The following CPEB3 variants were observed in gnomAD, a reference collection of about 807,000 sequenced individuals.
The protein encoded by CPEB3 is cytoplasmic polyadenylation element binding protein 3, also known as cytoplasmic polyadenylation element-binding protein 3.
Under a neutral mutation model 67.2 loss-of-function variants are expected in CPEB3, and 20 were observed. The ratio of observed to expected loss-of-function variants is 0.30; its 90% confidence interval spans 0.21 to 0.43. CPEB3 has a LOEUF of 0.43. CPEB3 is among the 20% of genes least tolerant of loss of function. The pLI is 1.00. For synonymous variants in CPEB3, 376 were observed against 393.1 expected (o/e 0.96, Z 0.51); for missense variants, 746 against 968.6 (o/e 0.77, Z 3.05).
At chr10:92,166,712 G>GC (rs1028974169) in intron 4 of CPEB3, among the ~76,000 whole-genome samples, 2 of 152,104 alleles carry the variant, frequency 1.3e-5, no homozygotes, top group Non-Finnish European at 2.9e-5. Context: ...AATTCTTAAG[G>GC]CCCTTAGGAT....
chr10:92,117,766 C>A (rs1163182547), intron 6 of CPEB3, among the ~76,000 whole-genome samples: 4 of 151,774 alleles, frequency 2.6e-5, no homozygotes, highest in Non-Finnish European at 5.9e-5. Flanking sequence ...ATATTTGATA[C>A]CTAGTACAAA....
At chr10:92,082,126 T>C (rs973928421) in intron 8 of CPEB3, among the ~76,000 whole-genome samples, 5 of 152,210 alleles carry the variant, frequency 3.3e-5, no homozygotes, top group Admixed American at 2.6e-4. Context: ...ATAGCCACAA[T>C]AAACATTTAC....
At chr10:92,262,949 T>G (rs939664859) in intron 1 of CPEB3, among the ~76,000 whole-genome samples, 4 of 152,130 alleles carry the variant, frequency 2.6e-5, no homozygotes, top group Non-Finnish European at 5.9e-5. Context: ...TCTTTTTTGT[T>G]TGTAGAGACG....
Position 92,251,856 on chromosome 10 carries a change from G to C in CPEB3, c.-11-11495C>G, listed in dbSNP as rs1852314321. 2.0e-5 allele frequency among the ~76,000 whole-genome samples: 3 copies of C among 151,504 alleles called. No individual in the cohort carries two copies. In the South Asian group the frequency reaches 6.3e-4, roughly 32 times the overall value. On this transcript the variant is annotated intron_variant, in intron 1 of 9. Coordinates refer to ENST00000265997, the MANE Select transcript of CPEB3 (RefSeq NM_014912.5). ...CTCGGGAGACTGAGGCATGAGAATA[G>C]TTTGAACCCAGGAGGGAGAGGTTGC... is the stretch of plus-strand genomic sequence containing the variant.
intron 4 of CPEB3, among the ~76,000 whole-genome samples, chr10:92,158,031 TA>T (rs946258296): frequency 8.0e-4 from 118 of 147,080 alleles, no homozygotes; most frequent in Non-Finnish European, 1.0e-3. Context: ...AGATCTCATT[TA>T]AAAAAAAAAA....
intron 2 of CPEB3, among the ~76,000 whole-genome samples, chr10:92,207,184 T>C (rs941920774): frequency 1.3e-5 from 2 of 152,122 alleles, no homozygotes; most frequent in Non-Finnish European, 2.9e-5. Flanking sequence ...GGTTTTGCCA[T>C]GTTGCTCAGG....
intron 1 of CPEB3, among the ~76,000 whole-genome samples, chr10:92,282,919 T>C (rs1209072529): frequency 6.6e-6 from 1 of 152,166 alleles, no homozygotes; most frequent in Non-Finnish European, 1.5e-5. Context: ...TTAACTTATT[T>C]CTGTTTCCAA....
chr10:92,201,955 C>T (rs1849545556), intron 2 of CPEB3, among the ~76,000 whole-genome samples: 1 of 152,146 alleles, frequency 6.6e-6, no homozygotes, highest in Admixed American at 6.6e-5. Flanking sequence ...CATTATCGAG[C>T]AGAGGGCCTG....
chr10:92,119,074 A>G (rs76537985), intron 6 of CPEB3: 1 of 1,580,384 alleles, frequency 6.3e-7, no homozygotes. Flanking sequence ...GAGACCTAGG[A>G]AAAGGCCTGA....
At chr10:92,154,484 C>A (rs1041784411) in intron 4 of CPEB3, among the ~76,000 whole-genome samples, 17 of 152,190 alleles carry the variant, frequency 1.1e-4, no homozygotes, top group Admixed American at 2.0e-4. Context: ...ATGTCCTCAT[C>A]CAAGCCTTGA....
chr10:92,076,816 G>A (rs1842952404), intron 9 of CPEB3, among the ~76,000 whole-genome samples: 1 of 144,472 alleles, frequency 6.9e-6, no homozygotes, highest in African/African-American at 2.5e-5. Context: ...GAGGAGGAGG[G>A]GAGAAAGAGG....
At position 92,089,628 on chromosome 10, in the gene CPEB3, T is replaced by C. The variant is rs1843531430; in HGVS notation, c.1687+2202A>G. Among the ~76,000 whole-genome samples, 5 of 151,988 alleles carry C rather than the reference T, an allele frequency of 3.3e-5. No individual in the cohort carries two copies. The South Asian group carries it at 1.0e-3, about 32-fold the overall frequency. Reference sequence around the variant, plus strand: ...GGTGAAACACTGTCTCTACCAAAAATACAAAACAGCCAGGCATGGTGGTGT... The same window carrying C: ...GGTGAAACACTGTCTCTACCAAAAACACAAAACAGCCAGGCATGGTGGTGT... On this transcript the variant is annotated intron_variant, in intron 8 of 9. Transcript: ENST00000265997.
intron 1 of CPEB3, among the ~76,000 whole-genome samples, chr10:92,289,781 ATATG>A (rs1267320432): frequency 5.3e-5 from 7 of 132,718 alleles, no homozygotes; most frequent in African/African-American, 2.2e-4. Flanking sequence ...ATAAATGTAT[ATATG>A]TATTATATAT....
At chr10:92,189,873 T>C (rs1305826179) in intron 3 of CPEB3, among the ~76,000 whole-genome samples, 1 of 151,606 alleles carries the variant, frequency 6.6e-6, no homozygotes, top group Non-Finnish European at 1.5e-5. Flanking sequence ...TTTCGTCCTT[T>C]TACATACTAT....
At chr10:92,093,280 CAA>C (rs769565278) in intron 7 of CPEB3, among the ~76,000 whole-genome samples, 2 of 151,958 alleles carry the variant, frequency 1.3e-5, no homozygotes, top group Non-Finnish European at 2.9e-5. Context: ...AGATAGAAAA[CAA>C]AAAAGTTGAC....
At position 92,241,247 on chromosome 10, in the gene CPEB3, G is replaced by T. The variant is rs1461613762; in HGVS notation, c.-11-886C>A. 2.7e-5 allele frequency among the ~76,000 whole-genome samples: 4 copies of T among 150,302 alleles called. No individual in the cohort carries two copies. In the East Asian group the frequency reaches 7.9e-4, roughly 30 times the overall value. On this transcript the variant is annotated intron_variant, in intron 1 of 9. Coordinates refer to ENST00000265997, the MANE Select transcript of CPEB3 (RefSeq NM_014912.5). ...AGGAGCCTAAGAATTTCTCTGCAGA[G>T]TGGAGAAATGCTTCTGGTTGGATTT...
chr10:92,142,029 C>CAAATAAAAACA (rs1846456173), intron 6 of CPEB3, among the ~76,000 whole-genome samples: 1 of 124,046 alleles, frequency 8.1e-6, no homozygotes, highest in Admixed American at 7.9e-5. Context: ...AAAAAAAAAA[C>CAAATAAAAACA]AAATAAAAAC....
chr10:92,244,501 G>A (rs889937137), intron 1 of CPEB3, among the ~76,000 whole-genome samples: 1 of 150,614 alleles, frequency 6.6e-6, no homozygotes, highest in African/African-American at 2.4e-5. Flanking sequence ...ACAGTGGTGC[G>A]ATCTCAGCTC....
At chr10:92,250,564 C>T (rs1256111405) in intron 1 of CPEB3, among the ~76,000 whole-genome samples, 1 of 152,060 alleles carries the variant, frequency 6.6e-6, no homozygotes, top group Non-Finnish European at 1.5e-5. Context: ...AAATCCTACG[C>T]CTTCACATTC....
Sources: gnomAD v4.1 joint callset for allele counts (sites outside exome capture counted in the v4.1 genomes callset) on GRCh38, gnomAD v4.1.1 for gene constraint, MANE v1.5 for transcripts, NCBI Gene and HGNC (gene_info 2026-07-23, HGNC 2026-07-21) for gene names.